The following CCDC93 variants were observed in gnomAD, a reference collection of about 807,000 sequenced individuals.
CCDC93 encodes the protein coiled-coil domain-containing protein 93.
Under a neutral mutation model 108.2 loss-of-function variants are expected in CCDC93, and 61 were observed. That is an observed-to-expected ratio of 0.56 (90% CI 0.46 to 0.70). The LOEUF (loss-of-function observed/expected upper bound fraction) is 0.70. CCDC93 is among the 30% of genes least tolerant of loss of function. The probability of loss-of-function intolerance (pLI) is 0.00; values close to 1 mark genes in which losing one functional copy is unlikely to be tolerated. For synonymous variants in CCDC93, 276 were observed against 260.4 expected (o/e 1.06, Z -0.58); for missense variants, 685 against 764.2 (o/e 0.90, Z 1.22).
At position 118,006,812 on chromosome 2, in the gene CCDC93, A is replaced by C; in HGVS notation, c.161T>G (p.Val54Gly). 6.3e-7 allele frequency: 1 copy of C among 1,588,904 alleles called. No homozygotes were observed. Among genetic ancestry groups the C allele is most frequent in the Non-Finnish European group, 8.6e-7 (1 of 1,157,388 alleles). ...IKGLSPFDKV[V>G]GGMTWCITTC... The stretch of plus-strand genomic sequence containing the variant: ...GGTGATACACCAAGTCATTCCTCCT[A>C]CTACCTGCAAGACATAAAGAAAATA... The change falls in exon 3 of 24, where the codon GTA becomes GGA. Residue 54 changes from valine to glycine, a missense_variant. Val to Gly is a moderately radical substitution (Grantham distance 109). Transcript: ENST00000376300.
rs1383132526 is a variant in CCDC93, at chr2:118,014,000, C to T, written c.-5G>A. The T allele has an allele frequency of 3.1e-6, 5 of 1,593,826 alleles. No individual in the cohort carries two copies. The highest frequency in any genetic ancestry group is 1.3e-5 in the African/African-American group (1 of 74,444). On this transcript the variant is annotated 5_prime_UTR_variant, in exon 1 of 24. Coordinates refer to ENST00000376300, the MANE Select transcript of CCDC93 (RefSeq NM_019044.5). ...CGGCCCCCTGGGCAACCCCATGATCCGACCGGGCTGTCGTAAGGCGAGAGC... is the reference window on the plus strand; with the variant it reads ...CGGCCCCCTGGGCAACCCCATGATCTGACCGGGCTGTCGTAAGGCGAGAGC...
intron 8 of CCDC93, 23 bp from the exon 9 acceptor site, chr2:117,975,303 A>C: frequency 6.4e-7 from 1 of 1,564,478 alleles, no homozygotes; most frequent in Non-Finnish European, 8.8e-7. Context: ...ATGTGAAAAC[A>C]GCTGAGCACG....
At position 117,920,351 on chromosome 2, in the gene CCDC93, C is replaced by A. The variant is rs766363594; in HGVS notation, c.1888G>T (p.Ala630Ser). 6.2e-7 allele frequency: 1 copy of A among 1,612,482 alleles called. No homozygotes were observed. Among genetic ancestry groups the A allele is most frequent in the Non-Finnish European group, 8.5e-7 (1 of 1,178,780 alleles). ...EMLLSKVKAK[A>S]S ...GCCACGGCTGGGGATGTTCAGGAGG[C>A]CTTCGCTTTCACCTTGGACAGCAGC... Residue 630 changes from alanine to serine, a missense_variant, in exon 24 of 24, where the codon GCC (alanine) becomes TCC (serine). Ala to Ser is a moderately conservative substitution (Grantham distance 99). Coordinates refer to ENST00000376300, the MANE Select transcript of CCDC93 (RefSeq NM_019044.5).
intron 2 of CCDC93, among the ~76,000 whole-genome samples, chr2:118,007,313 G>T (rs1184618975): frequency 6.6e-6 from 1 of 152,236 alleles, no homozygotes; most frequent in Non-Finnish European, 1.5e-5. Context: ...AGATGCAAAT[G>T]AGAGTAAGAC....
chr2:117,995,693 T>C (rs1573523496), intron 5 of CCDC93, 191 bp from the exon 6 acceptor site: 4 of 574,300 alleles, frequency 7.0e-6, no homozygotes, highest in Non-Finnish European at 9.3e-6. Context: ...GGCTCCAACA[T>C]AGATCCCTAC....
chr2:117,977,350 A>C (rs781363279), intron 8 of CCDC93, among the ~76,000 whole-genome samples: 2 of 152,132 alleles, frequency 1.3e-5, no homozygotes, highest in African/African-American at 2.4e-5. Flanking sequence ...TAGCTTTCTG[A>C]CCTAAAAAGC....
At chr2:117,950,992 T>C (rs1402729999) in intron 13 of CCDC93, 2 of 985,232 alleles carry the variant, frequency 2.0e-6, no homozygotes, top group African/African-American at 3.5e-5. Flanking sequence ...ATTACTGACT[T>C]AAATCACACC....
At chr2:117,969,583 C>CT (rs1430959245) in intron 11 of CCDC93, among the ~76,000 whole-genome samples, 1 of 152,196 alleles carries the variant, frequency 6.6e-6, no homozygotes, top group Non-Finnish European at 1.5e-5. Flanking sequence ...TAGCCTGGTA[C>CT]TATTAGCAAG....
intron 7 of CCDC93, among the ~76,000 whole-genome samples, chr2:117,983,261 G>GT (rs1161532338): frequency 6.6e-6 from 1 of 152,058 alleles, no homozygotes; most frequent in Non-Finnish European, 1.5e-5. Flanking sequence ...TCCAATTGGC[G>GT]TATTTCCCTA....
chr2:117,924,874 G>C (rs1294297513), intron 23 of CCDC93, among the ~76,000 whole-genome samples: 1 of 152,176 alleles, frequency 6.6e-6, no homozygotes, highest in Non-Finnish European at 1.5e-5. Flanking sequence ...GGCAGACAGA[G>C]AGAAAGCTCA....
intron 2 of CCDC93, among the ~76,000 whole-genome samples, chr2:118,007,870 C>G (rs1338503334): frequency 6.6e-6 from 1 of 152,336 alleles, no homozygotes; most frequent in Admixed American, 6.5e-5. Flanking sequence ...ACTGTGACCC[C>G]GTGGAGCACT....
In CCDC93 at chr2:118,000,826, C is replaced by A. The variant is rs775715315; in HGVS notation, c.358G>T (p.Val120Phe). The change falls in exon 4 of 24, where the codon GTT (valine) becomes TTT (phenylalanine). Residue 120 changes from valine (V) to phenylalanine (F), a missense_variant. Transcript: ENST00000376300. ...AACCACACAGAGGCTCTCACCTGAACAACAGGAAATATGTGAATAAAATCC... is the reference window on the plus strand; with the variant it reads ...AACCACACAGAGGCTCTCACCTGAAAAACAGGAAATATGTGAATAAAATCC... ...GMDFIHIFPVVQWLVKRAIET... is the reference protein window; with the variant it reads ...GMDFIHIFPVFQWLVKRAIET... 1.9e-6 allele frequency: 3 copies of A among 1,605,712 alleles called. No homozygotes were observed. The highest frequency in any genetic ancestry group is 2.7e-5 in the African/African-American group (2 of 74,714).
At chr2:118,006,404 C>G (rs187489101) in intron 3 of CCDC93, among the ~76,000 whole-genome samples, 3 of 152,162 alleles carry the variant, frequency 2.0e-5, no homozygotes, top group Non-Finnish European at 4.4e-5. Flanking sequence ...TGCTTTCTCT[C>G]GAAGACAGGC....
chr2:117,961,222 G>C (rs190640965), intron 11 of CCDC93, among the ~76,000 whole-genome samples: 1 of 152,008 alleles, frequency 6.6e-6, no homozygotes, highest in Non-Finnish European at 1.5e-5. Flanking sequence ...CATACAGAGA[G>C]AAAATGCTCG....
intron 3 of CCDC93, among the ~76,000 whole-genome samples, chr2:118,002,262 G>C (rs953101370): frequency 6.6e-6 from 1 of 152,126 alleles, no homozygotes; most frequent in Non-Finnish European, 1.5e-5. Flanking sequence ...TCTTTCTGCA[G>C]TTCAATAATC....
chr2:117,995,723 G>C (rs1558801196), intron 5 of CCDC93: 1 of 483,994 alleles, frequency 2.1e-6, no homozygotes, highest in African/African-American at 2.0e-5. Context: ...AAGAAAAAGG[G>C]GGTCATAAGG....
rs1355607572 is a variant in CCDC93 at position 117,947,957 on chromosome 2, G to A, written c.1224+148C>T. The A allele has an allele frequency of 1.5e-5, 10 of 652,144 alleles. No individual in the cohort carries two copies. The Middle Eastern group carries it at 7.8e-4, about 51-fold the overall frequency. The allele number at this position is 652,144 out of a possible 1,614,324, so 40.4% of individuals were successfully genotyped here. ...GATCCGCCTGCCTTGGCTTCCCAAA[G>A]TGCTGGGATTACAGGCATGAGCCAC... On this transcript the variant is annotated intron_variant, in intron 15 of 23. Coordinates refer to ENST00000376300, the MANE Select transcript of CCDC93 (RefSeq NM_019044.5).
At chr2:117,928,185 CAGGACAT>C (rs1320504776) in intron 23 of CCDC93, among the ~76,000 whole-genome samples, 5 of 152,184 alleles carry the variant, frequency 3.3e-5, no homozygotes, top group Admixed American at 1.3e-4. Context: ...CAACACCATT[CAGGACAT>C]AGGCATGGGC....
rs185674498 is a variant in CCDC93, at chr2:117,999,320, A to G, written c.363+1501T>C. The G allele has an allele frequency of 2.6e-5, 4 of 152,354 alleles. No individual in the cohort carries two copies. In the East Asian group the frequency reaches 7.7e-4, roughly 29 times the overall value. 9.4% of individuals were successfully genotyped at this position (152,354 alleles called of 1,614,324 possible). On this transcript the variant is annotated intron_variant, in intron 4 of 23. Coordinates refer to ENST00000376300, the MANE Select transcript of CCDC93 (RefSeq NM_019044.5). ...ATGAATGGTGGAGTGGAAAAAGCACAGGCTTGGAGACAGAGTTTAGACTGG... is the reference window on the plus strand; with the variant it reads ...ATGAATGGTGGAGTGGAAAAAGCACGGGCTTGGAGACAGAGTTTAGACTGG...
Sources: gnomAD v4.1 joint callset for allele counts (sites outside exome capture counted in the v4.1 genomes callset) on GRCh38, gnomAD v4.1.1 for gene constraint, MANE v1.5 for transcripts, NCBI Gene and HGNC (gene_info 2026-07-23, HGNC 2026-07-21) for gene names.